The following APP variants were observed in gnomAD, a reference collection of about 807,000 sequenced individuals.
The protein encoded by APP is amyloid-beta precursor protein.
In APP, 31 loss-of-function variants were observed where a neutral mutation model predicts 101.4. The observed-to-expected ratio is 0.31, with a 90% confidence interval of 0.23 to 0.41. APP has a LOEUF of 0.41. Ranked by LOEUF, APP falls within the 10% of genes least tolerant of loss-of-function variation. The pLI, the probability that APP is intolerant of heterozygous loss-of-function variation, is 1.00. For synonymous variants in APP, 366 were observed against 364.4 expected, an observed-to-expected ratio of 1.00 and a Z score of -0.05; for missense variants, 839 against 1,003.7, an observed-to-expected ratio of 0.84 and a Z score of 2.22.
At chr21:26,094,884 C>T (rs1169524088) in intron 2 of APP, among the ~76,000 whole-genome samples, 5 of 151,516 alleles carry the variant, frequency 3.3e-5, no homozygotes, top group Non-Finnish European at 5.9e-5. Context: ...CTCACTCTGT[C>T]GCCCAGGTTG....
chr21:25,904,836 C>T (rs775762973), intron 15 of APP, among the ~76,000 whole-genome samples, 188 bp downstream of exon 15: 5 of 151,782 alleles, frequency 3.3e-5, no homozygotes, highest in Admixed American at 6.6e-5. Flanking sequence ...TCATTTCACT[C>T]GGAACTTGGG....
At chr21:26,166,066 A>G (rs1356359213) in intron 1 of APP, among the ~76,000 whole-genome samples, 1 of 152,110 alleles carries the variant, frequency 6.6e-6, no homozygotes, top group African/African-American at 2.4e-5. Flanking sequence ...TTTTTTTTCC[A>G]AGAAAAATAC....
At chr21:26,029,609 C>T (rs2044732298) in intron 5 of APP, among the ~76,000 whole-genome samples, 1 of 151,994 alleles carries the variant, frequency 6.6e-6, no homozygotes, top group South Asian at 2.1e-4. Flanking sequence ...GGCCCGGTGA[C>T]AGGAGGGAGG....
rs2062343034 is a variant in APP at position 26,112,201 on chromosome 21, T to G, written c.58-55A>C. 6.4e-6 allele frequency: 10 copies of G among 1,574,132 alleles called. No homozygotes were observed. The South Asian group carries it at 1.1e-4, about 17-fold the overall frequency. ...TATCCATAGCTCCAAGGCAGAGGCT[T>G]GGAGGAAGAACAGGGATAACTATCA... On this transcript the variant is annotated intron_variant, in intron 1 of 17. Transcript: ENST00000346798.
chr21:26,009,183 T>A (rs1408977601), intron 6 of APP, among the ~76,000 whole-genome samples: 2 of 152,246 alleles, frequency 1.3e-5, no homozygotes, highest in African/African-American at 2.4e-5. Context: ...TTAGTAAAAG[T>A]TGCATAGGTT....
At chr21:26,090,124 T>A in intron 2 of APP, 52 bp from the exon 3 acceptor site, 2 of 1,610,126 alleles carry the variant, frequency 1.2e-6, no homozygotes, top group Non-Finnish European at 1.7e-6. Context: ...GGGGCTGGCA[T>A]TTACAAGCAT....
At chr21:25,964,669 G>T (rs145001675) in intron 11 of APP, among the ~76,000 whole-genome samples, 1 of 150,362 alleles carries the variant, frequency 6.7e-6, no homozygotes, top group Non-Finnish European at 1.5e-5. Flanking sequence ...GAGTACAATG[G>T]GGTGATCTCC....
At chr21:25,954,117 AT>A (rs147419500) in intron 13 of APP, among the ~76,000 whole-genome samples, 5,822 of 152,270 alleles carry the variant, frequency 0.038, 358 homozygotes, top group African/African-American at 0.13. Context: ...AGTCACAGTT[AT>A]GTGTTTTGGC....
intron 11 of APP, among the ~76,000 whole-genome samples, chr21:25,968,771 C>T (rs1164957213): frequency 3.3e-5 from 5 of 152,074 alleles, no homozygotes; most frequent in Non-Finnish European, 7.4e-5. Context: ...TTTGGAATCC[C>T]GTGTTTGCAA....
At chr21:25,995,636 C>A (rs1246629213) in intron 8 of APP, among the ~76,000 whole-genome samples, 1 of 152,216 alleles carries the variant, frequency 6.6e-6, no homozygotes, top group Non-Finnish European at 1.5e-5. Context: ...ACTCAACATG[C>A]GTACCTATGT....
intron 5 of APP, among the ~76,000 whole-genome samples, chr21:26,041,566 ATT>A (rs1195961140): frequency 2.6e-5 from 4 of 152,158 alleles, no homozygotes; most frequent in African/African-American, 4.8e-5. Flanking sequence ...ATCCTACAGT[ATT>A]TCTCATTCAG....
chr21:25,967,422 T>C (rs1477444701), intron 11 of APP, among the ~76,000 whole-genome samples: 1 of 152,194 alleles, frequency 6.6e-6, no homozygotes, highest in Non-Finnish European at 1.5e-5. Context: ...ATAATCATGA[T>C]AACTGTCTGA....
chr21:26,085,034 T>C (rs1708859005), intron 3 of APP, among the ~76,000 whole-genome samples: 1 of 152,244 alleles, frequency 6.6e-6, no homozygotes, highest in African/African-American at 2.4e-5. Context: ...ACTCATTTAT[T>C]ATACAAAGTC....
chr21:25,965,289 T>C (rs1033632020), intron 11 of APP, among the ~76,000 whole-genome samples: 4 of 152,226 alleles, frequency 2.6e-5, no homozygotes, highest in Admixed American at 2.0e-4. Flanking sequence ...ACTCGGACCC[T>C]TGCAGAGATT....
At chr21:26,121,274 T>C (rs190608845) in intron 1 of APP, among the ~76,000 whole-genome samples, 32 of 152,320 alleles carry the variant, frequency 2.1e-4, no homozygotes, top group East Asian at 5.8e-4. Flanking sequence ...CCCACATAAT[T>C]TGCAAGTTTA....
At chr21:26,091,809 C>A (rs916639897) in intron 2 of APP, among the ~76,000 whole-genome samples, 1 of 152,076 alleles carries the variant, frequency 6.6e-6, no homozygotes, top group African/African-American at 2.4e-5. Flanking sequence ...GACATTCCCA[C>A]CTCTAGGGGC....
chr21:25,953,008 A>T (rs2041159063), intron 13 of APP, among the ~76,000 whole-genome samples: 1 of 151,978 alleles, frequency 6.6e-6, no homozygotes, highest in South Asian at 2.1e-4. Context: ...TAGACTAAAA[A>T]CTCCACCTCC....
At chr21:25,957,886 G>A (rs753309223) in intron 11 of APP, among the ~76,000 whole-genome samples, 60 of 152,024 alleles carry the variant, frequency 3.9e-4, no homozygotes, top group Middle Eastern at 3.4e-3. Context: ...TGGGAAGCTT[G>A]GTCAGGAGGA....
intron 1 of APP, among the ~76,000 whole-genome samples, chr21:26,136,159 GA>G (rs1218927027): frequency 4.0e-4 from 22 of 54,512 alleles, no homozygotes; most frequent in African/African-American, 1.0e-3. Flanking sequence ...GAAAAGAAAA[GA>G]AAAGAAAGAA....
Sources: allele counts gnomAD v4.1 joint callset (sites outside exome capture counted in the v4.1 genomes callset), GRCh38; gene constraint gnomAD v4.1.1; transcripts MANE v1.5; gene names NCBI Gene and HGNC (gene_info 2026-07-23, HGNC 2026-07-21).